The following ADD3 variants were observed in gnomAD, a reference collection of about 807,000 sequenced individuals.
ADD3 encodes gamma-adducin.
In ADD3, 25 loss-of-function variants were observed where a neutral mutation model predicts 80.2. The observed-to-expected ratio is 0.31, with a 90% CI of 0.23 to 0.44. The LOEUF is 0.44. ADD3 is among the 20% of genes least tolerant of loss of function. ADD3 has a pLI of 1.00. For missense variants in ADD3, 829 were observed against 847.5 expected, an observed-to-expected ratio of 0.98 and a Z score of 0.27; for synonymous variants, 284 against 289.6, an observed-to-expected ratio of 0.98 and a Z score of 0.20.
At chr10:110,035,360 A>T (rs1855518320) in intron 1 of ADD3, among the ~76,000 whole-genome samples, 1 of 152,178 alleles carries the variant, frequency 6.6e-6, no homozygotes, top group African/African-American at 2.4e-5. Context: ...TTTTAAAGAA[A>T]TTACAGGTAA....
chr10:110,007,752 C>G (rs1283480877), upstream of ADD3, among the ~76,000 whole-genome samples: 1 of 151,194 alleles, frequency 6.6e-6, no homozygotes, highest in African/African-American at 2.4e-5. Flanking sequence ...GGGACCAGGA[C>G]TCCCGAGGGG....
chr10:110,013,486 C>T (rs1045547420), intron 1 of ADD3, among the ~76,000 whole-genome samples: 1 of 152,092 alleles, frequency 6.6e-6, no homozygotes, highest in Admixed American at 6.5e-5. Flanking sequence ...AAACATTTCC[C>T]TCAACCAGCT....
rs1197416333 is a variant in ADD3 at position 110,073,204 on chromosome 10, A to G, written c.-29-27421A>G. Among the ~76,000 whole-genome samples the G allele has an allele frequency of 2.3e-5, 3 of 133,158 alleles. No individual in the cohort carries two copies. The East Asian group carries it at 6.4e-4, about 28-fold the overall frequency. The allele number at this position is 133,158 out of a possible 152,430, so 87.4% of individuals were successfully genotyped here. ...GTCACCCAGGCTGGAGTGCAGTGGCATTATGTCGGCTCACTGCAAGCTCCA... is the reference window on the plus strand; with the variant it reads ...GTCACCCAGGCTGGAGTGCAGTGGCGTTATGTCGGCTCACTGCAAGCTCCA... On this transcript the variant is annotated intron_variant, in intron 1 of 14. Coordinates refer to ENST00000356080, the MANE Select transcript of ADD3 (RefSeq NM_016824.5).
intron 1 of ADD3, among the ~76,000 whole-genome samples, chr10:110,064,638 T>G (rs1843687303): frequency 6.6e-6 from 1 of 152,180 alleles, no homozygotes; most frequent in African/African-American, 2.4e-5. Flanking sequence ...CTGGATTATC[T>G]TTTTTCAGAT....
intron 1 of ADD3, among the ~76,000 whole-genome samples, chr10:110,096,829 C>G (rs1318700835): frequency 6.6e-6 from 1 of 152,156 alleles, no homozygotes; most frequent in Non-Finnish European, 1.5e-5. Flanking sequence ...TGGAAGAATT[C>G]TTGAGGCCGT....
intron 1 of ADD3, among the ~76,000 whole-genome samples, chr10:110,053,865 A>G (rs896794834): frequency 6.6e-6 from 1 of 152,206 alleles, no homozygotes; most frequent in African/African-American, 2.4e-5. Flanking sequence ...TGTCAGTTAC[A>G]TTTCTAGAAA....
At chr10:110,091,200 C>T (rs1847458978) in intron 1 of ADD3, among the ~76,000 whole-genome samples, 1 of 152,106 alleles carries the variant, frequency 6.6e-6, no homozygotes, top group Non-Finnish European at 1.5e-5. Context: ...TCCCCCCTCC[C>T]CCAAATAAAG....
chr10:110,119,213 A>G lies in ADD3; in HGVS notation c.720A>G (p.Val240=). ...IHIHTLATAA[V]SSMKCGILPI... Reference sequence around the variant, plus strand: ...TTGGTATGGGCCAAACCAAATAGGTATCCTCCATGAAATGTGGGATCCTTC... The same window carrying G: ...TTGGTATGGGCCAAACCAAATAGGTGTCCTCCATGAAATGTGGGATCCTTC... The change falls in exon 7 of 15, where the codon GTA becomes GTG. Residue 240 remains valine, a splice_region_variant and synonymous_variant. Transcript: ENST00000356080. The G allele has an allele frequency of 1.2e-6, 2 of 1,614,098 alleles. No individual in the cohort carries two copies. Among genetic ancestry groups the G allele is most frequent in the South Asian group, 1.1e-5 (1 of 91,078 alleles).
At chr10:110,039,211 T>G (rs868805269) in intron 1 of ADD3, among the ~76,000 whole-genome samples, 1 of 151,572 alleles carries the variant, frequency 6.6e-6, no homozygotes, top group African/African-American at 2.5e-5. Context: ...AATCATGTTG[T>G]TGCTTGCCCC....
chr10:110,049,731 C>CA (rs1857284128), intron 1 of ADD3, among the ~76,000 whole-genome samples: 1 of 151,946 alleles, frequency 6.6e-6, no homozygotes, highest in Admixed American at 6.6e-5. Flanking sequence ...ACTAAAAATA[C>CA]AAAAAATTAG....
chr10:110,118,927 G>A (rs1042051925), intron 6 of ADD3, among the ~76,000 whole-genome samples, 191 bp downstream of exon 6: 9 of 152,212 alleles, frequency 5.9e-5, no homozygotes, highest in Non-Finnish European at 8.8e-5. Flanking sequence ...ATAACATTTG[G>A]ATTCTAAAAC....
intron 1 of ADD3, among the ~76,000 whole-genome samples, chr10:110,074,546 T>C (rs1845162560): frequency 6.6e-6 from 1 of 151,612 alleles, no homozygotes; most frequent in Non-Finnish European, 1.5e-5. Context: ...CTTAGGACAA[T>C]GAATTCAGTC....
intron 1 of ADD3, among the ~76,000 whole-genome samples, chr10:110,037,667 T>A (rs892267922): frequency 4.6e-5 from 7 of 151,942 alleles, no homozygotes; most frequent in Non-Finnish European, 1.0e-4. Context: ...GTTTTGGTGA[T>A]TTTAAATTTA....
At chr10:110,106,933 TTC>T (rs1849461712) in intron 2 of ADD3, among the ~76,000 whole-genome samples, 2 of 152,146 alleles carry the variant, frequency 1.3e-5, no homozygotes, top group Admixed American at 1.3e-4. Context: ...CAGCAGGGAT[TTC>T]TCATTCAAGT....
At chr10:110,105,721 G>A (rs983632881) in intron 2 of ADD3, among the ~76,000 whole-genome samples, 3 of 152,164 alleles carry the variant, frequency 2.0e-5, no homozygotes, top group East Asian at 1.9e-4. Context: ...ATTTTGATGC[G>A]AGGAGAAACG....
At chr10:110,100,932 CA>C in intron 2 of ADD3, 84 bp downstream of exon 2, 2 of 1,311,434 alleles carry the variant, frequency 1.5e-6, no homozygotes, top group Non-Finnish European at 1.0e-6. Flanking sequence ...AAACTACCCT[CA>C]GGTTAAAAGA....
chr10:110,088,675 CAA>C (rs1233462495), intron 1 of ADD3, among the ~76,000 whole-genome samples: 1 of 152,078 alleles, frequency 6.6e-6, no homozygotes, highest in Non-Finnish European at 1.5e-5. Context: ...TTATGAAAGC[CAA>C]AAGTCTTTAG....
chr10:110,123,287 C>CTCCATT (rs901366068), intron 9 of ADD3, among the ~76,000 whole-genome samples: 3 of 152,156 alleles, frequency 2.0e-5, no homozygotes, highest in Admixed American at 2.0e-4. Flanking sequence ...TATGAGGAAC[C>CTCCATT]TCCATACTGT....
intron 1 of ADD3, among the ~76,000 whole-genome samples, chr10:110,017,128 G>C (rs1853100189): frequency 6.6e-6 from 1 of 152,164 alleles, no homozygotes; most frequent in Admixed American, 6.5e-5. Context: ...TTAACAAAGG[G>C]CAGAGCCAAG....
Sources: gnomAD v4.1 joint callset for allele counts (sites outside exome capture counted in the v4.1 genomes callset) on GRCh38, gnomAD v4.1.1 for gene constraint, MANE v1.5 for transcripts, NCBI Gene and HGNC (gene_info 2026-07-23, HGNC 2026-07-21) for gene names.